ELP4: variants seen among roughly 807,000 people sequenced by gnomAD.
ELP4 encodes elongator complex protein 4.
In ELP4, 51 loss-of-function variants were observed where a neutral mutation model predicts 48.9. That is an observed-to-expected ratio of 1.04 (90% CI 0.83 to 1.32). The LOEUF is 1.32. ELP4 is among the 40% of genes most tolerant of loss of function. The pLI is 0.00. For synonymous variants in ELP4, 210 were observed against 189.2 expected (o/e 1.11, Z -0.90); for missense variants, 519 against 514.6 (o/e 1.01, Z -0.08).
Position 31,787,271 on chromosome 11 carries a change from C to T in ELP4, c.*3747C>T, listed in dbSNP as rs1477957310. On this transcript the variant is annotated 3_prime_UTR_variant, in exon 10 of 10. Transcript: ENST00000640961. ...GACTGTGCTACTTTGCCCTGGCAAT[C>T]CTGACCTTCAGAGCACACATATACG... 4.3e-6 allele frequency: 1 copy of T among 233,010 alleles called. No individual in the cohort carries two copies. Among genetic ancestry groups the T allele is most frequent in the African/African-American group, 2.2e-5 (1 of 45,346 alleles). 14.4% of individuals were successfully genotyped at this position (233,010 alleles called of 1,614,324 possible).
chr11:31,640,098 G>T (rs1037044305), intron 7 of ELP4, among the ~76,000 whole-genome samples: 1 of 151,916 alleles, frequency 6.6e-6, no homozygotes, highest in Non-Finnish European at 1.5e-5. Context: ...GGAGCAGAAG[G>T]GGGTGTGGGG....
At chr11:31,657,451 C>T (rs769716496) in intron 9 of ELP4, among the ~76,000 whole-genome samples, 44 of 151,970 alleles carry the variant, frequency 2.9e-4, no homozygotes, top group Non-Finnish European at 4.9e-4. Flanking sequence ...ATGTAAGCTC[C>T]ACAAGAGTAA....
chr11:31,592,309 C>T (rs138088185), intron 3 of ELP4, among the ~76,000 whole-genome samples: 89 of 151,962 alleles, frequency 5.9e-4, no homozygotes, highest in African/African-American at 1.8e-3. Context: ...TTTGGGAGGC[C>T]GAGGCAGGCA....
intron 7 of ELP4, among the ~76,000 whole-genome samples, chr11:31,639,537 T>C (rs1453291624): frequency 6.6e-6 from 1 of 151,942 alleles, no homozygotes; most frequent in Admixed American, 6.6e-5. Context: ...GTGTGCGTTA[T>C]ACGTATATAT....
chr11:31,731,635 A>C (rs1377863510), intron 9 of ELP4, among the ~76,000 whole-genome samples: 1 of 147,930 alleles, frequency 6.8e-6, no homozygotes, highest in Non-Finnish European at 1.5e-5. Context: ...AGGAGGCAGA[A>C]AGCTTCTTTA....
chr11:31,604,058 T>C (rs2134003111), intron 5 of ELP4, 151 bp downstream of exon 5: 1 of 576,342 alleles, frequency 1.7e-6, no homozygotes, highest in Non-Finnish European at 2.7e-6. Context: ...CAAGTCTATG[T>C]ATTTTTCATA....
At chr11:31,539,834 T>C (rs1193345224) in intron 3 of ELP4, 51 bp downstream of exon 3, 1 of 1,485,718 alleles carries the variant, frequency 6.7e-7, no homozygotes, top group Admixed American at 2.1e-5. Context: ...CATGAAAAAA[T>C]ATTGTTTATA....
chr11:31,719,882 G>T, intron 9 of ELP4: 1 of 166,630 alleles, frequency 6.0e-6, no homozygotes, highest in Non-Finnish European at 1.3e-5. Context: ...ACGGTTACTT[G>T]TACAACCTAA....
intron 2 of ELP4, among the ~76,000 whole-genome samples, chr11:31,529,471 G>A: frequency 6.6e-6 from 1 of 152,110 alleles, no homozygotes; most frequent in East Asian, 1.9e-4. Context: ...GCAAGTGAGG[G>A]GATACAACTC....
At chr11:31,611,385 G>T (rs909304399) in intron 5 of ELP4, among the ~76,000 whole-genome samples, 3 of 152,080 alleles carry the variant, frequency 2.0e-5, no homozygotes, top group Non-Finnish European at 4.4e-5. Flanking sequence ...GTATGAGTCG[G>T]CTCTTATCAC....
rs115962767 is a variant in ELP4 at position 31,639,567 on chromosome 11, A to T, written c.927+7162A>T. On this transcript the variant is annotated intron_variant, in intron 7 of 9. Coordinates refer to ENST00000640961, the MANE Select transcript of ELP4 (RefSeq NM_019040.5). ...ATATATTTAATTTACTTTTTTGGAC[A>T]AGGATGATTGAAACTTTTTACACAA... 6.8e-3 allele frequency among the ~76,000 whole-genome samples: 1,027 copies of T among 152,016 alleles called. 10 individuals are homozygous for T. The highest frequency in any genetic ancestry group is 0.024 in the African/African-American group (977 of 41,522).
chr11:31,515,981 G>T (rs750608441), intron 1 of ELP4, among the ~76,000 whole-genome samples: 1 of 151,960 alleles, frequency 6.6e-6, no homozygotes, highest in Non-Finnish European at 1.5e-5. Flanking sequence ...TGTAGTGGGA[G>T]GTGCCTGTAG....
At chr11:31,739,149 G>A (rs1206099181) in intron 9 of ELP4, among the ~76,000 whole-genome samples, 1 of 151,882 alleles carries the variant, frequency 6.6e-6, no homozygotes, top group South Asian at 2.1e-4. Flanking sequence ...ATGACAAATG[G>A]GGAATGTTAG....
chr11:31,609,581 C>T (rs571945694), intron 5 of ELP4, among the ~76,000 whole-genome samples: 48 of 151,952 alleles, frequency 3.2e-4, no homozygotes, highest in Non-Finnish European at 6.3e-4. Context: ...TTGTTAAGGC[C>T]TGCGATGAGA....
At chr11:31,783,052 A>T (rs377001126) in intron 9 of ELP4, among the ~76,000 whole-genome samples, 2 of 152,378 alleles carry the variant, frequency 1.3e-5, no homozygotes, top group East Asian at 3.9e-4. Flanking sequence ...GCCGTTATTT[A>T]TGCGATATTT....
chr11:31,651,297 T>C (rs948413495), intron 9 of ELP4: 3 of 151,744 alleles, frequency 2.0e-5, no homozygotes, highest in African/African-American at 7.2e-5. Flanking sequence ...GACAAATTAA[T>C]GTGCCCTCCT....
At chr11:31,570,871 C>T (rs1957183145) in intron 3 of ELP4, among the ~76,000 whole-genome samples, 1 of 143,198 alleles carries the variant, frequency 7.0e-6, no homozygotes, top group South Asian at 2.2e-4. Flanking sequence ...ACCATCTCGG[C>T]TCACTGCAAC....
chr11:31,666,643 G>C (rs189879775), intron 9 of ELP4, among the ~76,000 whole-genome samples: 1 of 146,576 alleles, frequency 6.8e-6, no homozygotes, highest in African/African-American at 2.5e-5. Flanking sequence ...AGTGAGCCGA[G>C]ATTGCGCCAC....
chr11:31,789,400 A>C lies in ELP4; in HGVS notation c.*5876A>C, dbSNP rs1045369254. 5 of 350,174 alleles carry C rather than the reference A, an allele frequency of 1.4e-5. No homozygotes were observed. The South Asian group carries it at 3.1e-4, about 22-fold the overall frequency. The allele number at this position is 350,174 out of a possible 1,614,324, so 21.7% of individuals were successfully genotyped here. ...TCTGTTAACAACCTTTGGAAAACCA[A>C]CAGATATTTCTGACATAAATCTAGT... On this transcript the variant is annotated 3_prime_UTR_variant, in exon 10 of 10. Transcript: ENST00000640961.
Sources: allele counts gnomAD v4.1 joint callset (sites outside exome capture counted in the v4.1 genomes callset), GRCh38; gene constraint gnomAD v4.1.1; transcripts MANE v1.5; gene names NCBI Gene and HGNC (gene_info 2026-07-23, HGNC 2026-07-21).